AFAP1: variants seen among roughly 807,000 people sequenced by gnomAD.
AFAP1 encodes the protein actin filament associated protein 1, also known as actin filament-associated protein 1.
AFAP1 carries 75 observed loss-of-function variants against 93.9 expected under a neutral mutation model. That is an observed-to-expected ratio of 0.80 (90% CI 0.66 to 0.97). The LOEUF (loss-of-function observed/expected upper bound fraction) is 0.97, where lower values mean the gene tolerates loss of function less well. Among genes scored for constraint, AFAP1 ranks in the 50% least tolerant of loss-of-function variants. AFAP1 has a pLI of 0.00. For synonymous variants in AFAP1, 517 were observed against 430.7 expected (o/e 1.20, Z -2.48); for missense variants, 1,201 against 1,050.8 (o/e 1.14, Z -1.98).
intron 9 of AFAP1, among the ~76,000 whole-genome samples, chr4:7,803,845 A>T (rs1010132377): frequency 3.9e-5 from 6 of 152,320 alleles, no homozygotes; most frequent in Non-Finnish European, 7.4e-5. Context: ...CAATTATCGT[A>T]ATACCCCCAA....
intron 1 of AFAP1, among the ~76,000 whole-genome samples, chr4:7,899,417 A>G (rs1272970337): frequency 6.6e-6 from 1 of 152,224 alleles, no homozygotes; most frequent in Non-Finnish European, 1.5e-5. Context: ...GTGCTCAATA[A>G]TACAACATGC....
At chr4:7,800,386 A>C in intron 10 of AFAP1, 56 bp downstream of exon 10, 1 of 1,574,884 alleles carries the variant, frequency 6.3e-7, no homozygotes. Context: ...GCCTTTTGAA[A>C]GGAAGATCAC....
intron 3 of AFAP1, among the ~76,000 whole-genome samples, chr4:7,859,090 T>G (rs1168741877): frequency 1.3e-5 from 2 of 152,166 alleles, no homozygotes. Context: ...CCCCACTGTT[T>G]CCTGGGCTAC....
intron 9 of AFAP1, among the ~76,000 whole-genome samples, chr4:7,808,387 A>T (rs1187900252): frequency 6.6e-6 from 1 of 152,144 alleles, no homozygotes; most frequent in Non-Finnish European, 1.5e-5. Flanking sequence ...CCTATCGCCA[A>T]CCAGAGCCAA....
intron 2 of AFAP1, among the ~76,000 whole-genome samples, chr4:7,871,677 C>A (rs1188727546): frequency 6.6e-6 from 1 of 152,188 alleles, no homozygotes; most frequent in Non-Finnish European, 1.5e-5. Context: ...GATGCCAAGT[C>A]CCGTGAGTCC....
At chr4:7,808,509 GAT>G (rs1225919106) in intron 9 of AFAP1, among the ~76,000 whole-genome samples, 1,193 of 7,706 alleles carry the variant, frequency 0.15, 21 homozygotes, top group Middle Eastern at 0.32. Flanking sequence ...GCTGCTCAAA[GAT>G]GACCAAAAGG....
At chr4:7,842,881 C>A in intron 5 of AFAP1, 1 of 469,506 alleles carries the variant, frequency 2.1e-6, no homozygotes, top group Non-Finnish European at 3.8e-6. Flanking sequence ...AGGCCCTGCC[C>A]GGGAATGGGA....
chr4:7,815,892 G>T, intron 8 of AFAP1, 126 bp downstream of exon 8: 1 of 772,728 alleles, frequency 1.3e-6, no homozygotes, highest in Non-Finnish European at 2.0e-6. Flanking sequence ...CCATGATGAC[G>T]ATATCTACAC....
At chr4:7,936,707 G>A (rs553620361) in intron 1 of AFAP1, among the ~76,000 whole-genome samples, 15 of 151,318 alleles carry the variant, frequency 9.9e-5, no homozygotes, top group Non-Finnish European at 1.9e-4. Flanking sequence ...TCAGCTTCCC[G>A]AGTAGCTGGG....
chr4:7,881,445 C>T (rs537806435), intron 1 of AFAP1, among the ~76,000 whole-genome samples: 7 of 151,988 alleles, frequency 4.6e-5, no homozygotes, highest in African/African-American at 1.7e-4. Flanking sequence ...TCTATCCCTG[C>T]CAATGCCACT....
intron 9 of AFAP1, among the ~76,000 whole-genome samples, chr4:7,805,801 G>A (rs772255037): frequency 6.6e-5 from 10 of 152,242 alleles, no homozygotes; most frequent in Non-Finnish European, 1.2e-4. Context: ...GCGGAAAAGT[G>A]AAGCGGGGAC....
chr4:7,831,618 G>C (rs1409577392), intron 6 of AFAP1, among the ~76,000 whole-genome samples: 1 of 152,170 alleles, frequency 6.6e-6, no homozygotes, highest in African/African-American at 2.4e-5. Flanking sequence ...TGACACTCCA[G>C]GATGACTTCA....
Position 7,781,507 on chromosome 4 carries a change from G to T in AFAP1, c.1651C>A (p.Pro551Thr). The change falls in exon 13 of 18, where the codon CCT becomes ACT. Residue 551 changes from proline (P) to threonine (T), a missense_variant. Pro to Thr is a conservative substitution (Grantham distance 38). Transcript: ENST00000420658. ...AGCCTAGAGGCCTTTCTGTCAGCAG[G>T]AGAGTAGCGGGCAAAGATGTGCGGA... ...PPPHIFARYS[P>T]ADRKASRLSA... is the part of the protein sequence containing the mutation. 1 of 1,552,272 alleles carries T rather than the reference G, an allele frequency of 6.4e-7. No individual in the cohort carries two copies. The highest frequency in any genetic ancestry group is 8.7e-7 in the Non-Finnish European group (1 of 1,147,138).
At chr4:7,843,459 A>G in intron 4 of AFAP1, 109 bp from the exon 5 acceptor site, 1 of 1,017,600 alleles carries the variant, frequency 9.8e-7, no homozygotes, top group Non-Finnish European at 1.4e-6. Flanking sequence ...ACTGAATGAG[A>G]AAGGGACCTC....
rs764281833 is a variant in AFAP1 at position 7,855,482 on chromosome 4, C to A, written c.318G>T (p.Pro106=). 2 of 1,610,260 alleles carry A rather than the reference C, an allele frequency of 1.2e-6. No homozygotes were observed. The highest frequency in any genetic ancestry group is 2.2e-5 in the East Asian group (1 of 44,862). Residue 106 remains proline (P), a synonymous_variant, in exon 4 of 18, where the codon CCG becomes CCT. Transcript: ENST00000420658. ...GCCACTCACTTGATGTGATGTATTC[C>A]GGAGCTTTTCCGGGGCTCAGCGGCA... ...EAVPLSPGKA[P]EYITSNYDSD...
chr4:7,869,861 C>G (rs1453321539), intron 2 of AFAP1, among the ~76,000 whole-genome samples: 1 of 152,026 alleles, frequency 6.6e-6, no homozygotes, highest in Non-Finnish European at 1.5e-5. Context: ...CACACACACA[C>G]ACAAAATCAA....
At chr4:7,810,804 A>G (rs1160975144) in intron 8 of AFAP1, among the ~76,000 whole-genome samples, 1 of 152,188 alleles carries the variant, frequency 6.6e-6, no homozygotes, top group Non-Finnish European at 1.5e-5. Flanking sequence ...CCGGTGAGGG[A>G]CAACACGGGG....
intron 6 of AFAP1, among the ~76,000 whole-genome samples, chr4:7,825,928 T>C (rs192934890): frequency 6.8e-6 from 1 of 146,830 alleles, no homozygotes; most frequent in Non-Finnish European, 1.5e-5. Context: ...ACTCCCACCC[T>C]GACAAATAAA....
chr4:7,856,090 G>T (rs1396622004), intron 3 of AFAP1, among the ~76,000 whole-genome samples: 1 of 152,220 alleles, frequency 6.6e-6, no homozygotes, highest in Non-Finnish European at 1.5e-5. Context: ...CACACTGGCT[G>T]AGTGCACGAG....
Sources: gnomAD v4.1 joint callset for allele counts (sites outside exome capture counted in the v4.1 genomes callset) on GRCh38, gnomAD v4.1.1 for gene constraint, MANE v1.5 for transcripts, NCBI Gene and HGNC (gene_info 2026-07-23, HGNC 2026-07-21) for gene names.